The following RFWD3 variants were observed in gnomAD, a reference collection of about 807,000 sequenced individuals.
RFWD3 encodes the protein ring finger and WD repeat domain 3.
In RFWD3, 65 loss-of-function variants were observed where a neutral mutation model predicts 87.7. The ratio of observed to expected loss-of-function variants is 0.74; its 90% CI spans 0.61 to 0.91. The LOEUF is 0.91. RFWD3 is among the 40% of genes least tolerant of loss of function. RFWD3 has a pLI of 0.00. For synonymous variants in RFWD3, 433 were observed against 352.8 expected, an observed-to-expected ratio of 1.23 and a Z score of -2.55; for missense variants, 1,078 against 938.5, an observed-to-expected ratio of 1.15 and a Z score of -1.94.
chr16:74,631,878 A>G (rs1959106618), intron 9 of RFWD3, among the ~76,000 whole-genome samples: 1 of 152,048 alleles, frequency 6.6e-6, no homozygotes, highest in South Asian at 2.1e-4. Context: ...CCTCGGCCTC[A>G]CAAAGCGCTA....
In RFWD3 at chr16:74,632,688, A is replaced by G. The variant is rs758457947; in HGVS notation, c.1427-15T>C. The stretch of plus-strand genomic sequence containing the variant: ...AACACCAAAGCCTGAAAAAGGCAAA[A>G]TAGTATGAAATAGATCACTGAAAGT... On this transcript the variant is annotated splice_polypyrimidine_tract_variant and intron_variant, in intron 8 of 12. Transcript: ENST00000361070. 18 of 1,612,932 alleles carry G rather than the reference A, an allele frequency of 1.1e-5. No homozygotes were observed. In the African/African-American group the frequency reaches 2.0e-4, roughly 18 times the overall value.
chr16:74,660,212 C>G (rs184331575), intron 2 of RFWD3, among the ~76,000 whole-genome samples: 38 of 152,194 alleles, frequency 2.5e-4, no homozygotes, highest in African/African-American at 8.7e-4. Context: ...AAAGCCCTCT[C>G]TGAGCGGAGA....
chr16:74,658,514 C>G (rs750237509), intron 2 of RFWD3, among the ~76,000 whole-genome samples: 29 of 152,168 alleles, frequency 1.9e-4, no homozygotes, highest in Admixed American at 1.6e-3. Flanking sequence ...TGTCAAACAC[C>G]ACACTGAGAA....
chr16:74,648,777 A>T (rs1960356733), intron 4 of RFWD3, among the ~76,000 whole-genome samples: 1 of 151,922 alleles, frequency 6.6e-6, no homozygotes, highest in South Asian at 2.1e-4. Context: ...TCCGTCTCAA[A>T]AAAAAAGAAA....
intron 3 of RFWD3, among the ~76,000 whole-genome samples, chr16:74,650,729 T>C (rs888833620): frequency 4.6e-5 from 7 of 151,966 alleles, no homozygotes; most frequent in African/African-American, 9.7e-5. Context: ...TACAAAAAAT[T>C]AGCCAGGTGT....
intron 12 of RFWD3, among the ~76,000 whole-genome samples, chr16:74,625,923 C>T (rs920199372): frequency 6.6e-6 from 1 of 152,204 alleles, no homozygotes. Flanking sequence ...CAATGGCTCA[C>T]GCCTCTAATC....
chr16:74,663,726 A>G (rs1457797863), intron 1 of RFWD3, among the ~76,000 whole-genome samples: 2 of 152,216 alleles, frequency 1.3e-5, no homozygotes, highest in African/African-American at 4.8e-5. Context: ...TAAGGCCATA[A>G]AGGAGAAACT....
Position 74,636,482 on chromosome 16 carries a change from G to A in RFWD3, c.1290C>T (p.Gly430=), listed in dbSNP as rs1959199657. The A allele has an allele frequency of 1.2e-6, 2 of 1,613,932 alleles. No homozygotes were observed. The highest frequency in any genetic ancestry group is 2.7e-5 in the African/African-American group (2 of 74,902). Residue 430 remains glycine (G), a synonymous_variant, in exon 8 of 13, where the codon GGC becomes GGT. Coordinates refer to ENST00000361070, the MANE Select transcript of RFWD3 (RefSeq NM_018124.4). ...WVLSCSPSSQ[G]QHKHKYHFQK... is the part of the protein sequence containing the mutation. ...GGAAGTGGTACTTGTGCTTGTGCTG[G>A]CCCTGGCTGGAGGGTGAGCAGCTCA... is the stretch of plus-strand genomic sequence containing the variant.
intron 1 of RFWD3, among the ~76,000 whole-genome samples, chr16:74,663,711 T>A (rs1391174014): frequency 6.6e-6 from 1 of 152,016 alleles, no homozygotes; most frequent in Non-Finnish European, 1.5e-5. Context: ...TGCAAACCAG[T>A]TTTTTAAGGC....
chr16:74,646,545 T>C (rs1960160801), intron 4 of RFWD3, among the ~76,000 whole-genome samples: 1 of 152,188 alleles, frequency 6.6e-6, no homozygotes, highest in African/African-American at 2.4e-5. Context: ...CCTAGCACTT[T>C]GGGAGGCCAA....
At chr16:74,665,457 A>G (rs1961806472) in intron 1 of RFWD3, among the ~76,000 whole-genome samples, 2 of 151,674 alleles carry the variant, frequency 1.3e-5, no homozygotes. Flanking sequence ...GCATGCCTGT[A>G]ATCCCAGCTA....
At position 74,658,239 on chromosome 16, in the gene RFWD3, A is replaced by G. The variant is rs530643743; in HGVS notation, c.518+2693T>C. On this transcript the variant is annotated intron_variant, in intron 2 of 12. Coordinates refer to ENST00000361070, the MANE Select transcript of RFWD3 (RefSeq NM_018124.4). ...ATATTGTGATCTGTGTTATTCACCAATATATCTAGGGCAAAGTTTAGTCTC... is the reference window on the plus strand; with the variant it reads ...ATATTGTGATCTGTGTTATTCACCAGTATATCTAGGGCAAAGTTTAGTCTC... Among the ~76,000 whole-genome samples, 4 of 152,336 alleles carry G rather than the reference A, an allele frequency of 2.6e-5. No homozygotes were observed. In the South Asian group the frequency reaches 8.3e-4, roughly 32 times the overall value.
chr16:74,635,563 G>A (rs766822467), intron 8 of RFWD3, among the ~76,000 whole-genome samples: 11 of 151,980 alleles, frequency 7.2e-5, no homozygotes, highest in African/African-American at 1.2e-4. Flanking sequence ...ACTATCAAGC[G>A]GACTGGAATG....
chr16:74,657,855 A>G (rs1597455751), intron 2 of RFWD3, among the ~76,000 whole-genome samples: 1 of 152,214 alleles, frequency 6.6e-6, no homozygotes, highest in Non-Finnish European at 1.5e-5. Context: ...TATAGCTACC[A>G]TGAGACTAAA....
chr16:74,653,107 G>A (rs1486964949), intron 2 of RFWD3, among the ~76,000 whole-genome samples: 7 of 152,166 alleles, frequency 4.6e-5, no homozygotes, highest in Admixed American at 4.6e-4. Flanking sequence ...GGGAGGCCAA[G>A]GTGGGTAAAC....
At chr16:74,635,306 T>G in intron 8 of RFWD3, among the ~76,000 whole-genome samples, 1 of 144,146 alleles carries the variant, frequency 6.9e-6, no homozygotes. Context: ...AAATAAAAAA[T>G]AAAAAAAAAA....
At chr16:74,637,072 C>T (rs933990011) in intron 7 of RFWD3, among the ~76,000 whole-genome samples, 1 of 128,792 alleles carries the variant, frequency 7.8e-6, no homozygotes, top group Non-Finnish European at 1.6e-5. Flanking sequence ...AGCACAGAAT[C>T]ATAATATGAG....
intron 2 of RFWD3, among the ~76,000 whole-genome samples, chr16:74,655,241 C>T (rs1960873948): frequency 1.3e-5 from 2 of 151,962 alleles, no homozygotes; most frequent in African/African-American, 4.8e-5. Context: ...CAGTTGAAGC[C>T]GATGCTCTTT....
chr16:74,630,611 A>G (rs1216252903), intron 10 of RFWD3, among the ~76,000 whole-genome samples, 170 bp downstream of exon 10: 1 of 152,230 alleles, frequency 6.6e-6, no homozygotes, highest in Non-Finnish European at 1.5e-5. Context: ...CATGAATACA[A>G]ACTCTTATTA....
Sources: gnomAD v4.1 joint callset for allele counts (sites outside exome capture counted in the v4.1 genomes callset) on GRCh38, gnomAD v4.1.1 for gene constraint, MANE v1.5 for transcripts, NCBI Gene and HGNC (gene_info 2026-07-23, HGNC 2026-07-21) for gene names.